The following DGAT2 variants were observed in gnomAD, a reference collection of about 807,000 sequenced individuals.
DGAT2 encodes the protein diacylglycerol O-acyltransferase 2.
A neutral mutation model predicts 48.4 loss-of-function variants in DGAT2; 33 were observed. The ratio of observed to expected loss-of-function variants is 0.68; its 90% CI spans 0.52 to 0.91. The LOEUF (loss-of-function observed/expected upper bound fraction) is 0.91. Among genes scored for constraint, DGAT2 ranks in the 40% least tolerant of loss-of-function variants. The pLI, the probability that DGAT2 is intolerant of heterozygous loss-of-function variation, is 0.00. For missense variants in DGAT2, 446 were observed against 493.7 expected (o/e 0.90, Z 0.92); for synonymous variants, 191 against 194.1 (o/e 0.98, Z 0.13).
At chr11:75,797,077 T>C in intron 5 of DGAT2, 81 bp from the exon 6 acceptor site, 1 of 1,364,576 alleles carries the variant, frequency 7.3e-7, no homozygotes, top group South Asian at 1.8e-5. Flanking sequence ...GGGTTCTTTA[T>C]GTTTTATACC....
intron 1 of DGAT2, among the ~76,000 whole-genome samples, chr11:75,782,937 G>A (rs542303547): frequency 1.3e-5 from 2 of 152,348 alleles, no homozygotes; most frequent in East Asian, 3.9e-4. Context: ...GGCTATACTG[G>A]ATGACCCCAG....
intron 2 of DGAT2, among the ~76,000 whole-genome samples, chr11:75,788,693 G>A (rs1186790128): frequency 6.6e-6 from 1 of 152,202 alleles, no homozygotes; most frequent in African/African-American, 2.4e-5. Context: ...GCAGCCTACA[G>A]CACCTGGGAC....
At chr11:75,784,972 T>TC (rs1944906745) in intron 2 of DGAT2, among the ~76,000 whole-genome samples, 1 of 152,072 alleles carries the variant, frequency 6.6e-6, no homozygotes, top group Non-Finnish European at 1.5e-5. Context: ...GTGTGATAGT[T>TC]CCCATTTACA....
intron 1 of DGAT2, among the ~76,000 whole-genome samples, chr11:75,779,474 GT>G (rs1333427345): frequency 6.6e-6 from 1 of 152,160 alleles, no homozygotes; most frequent in African/African-American, 2.4e-5. Context: ...TTCCTTCTCT[GT>G]GAAACAGGAT....
intron 7 of DGAT2, among the ~76,000 whole-genome samples, chr11:75,799,983 C>T (rs956078020): frequency 4.6e-5 from 7 of 152,058 alleles, no homozygotes; most frequent in Non-Finnish European, 1.0e-4. Context: ...GGAAGAATCC[C>T]CATGTGACAG....
intron 4 of DGAT2, chr11:75,794,192 C>A (rs1162905083): frequency 6.6e-6 from 1 of 152,274 alleles, no homozygotes; most frequent in African/African-American, 2.4e-5. Flanking sequence ...TTTTCCATCC[C>A]CTCTGTCACC....
chr11:75,779,742 CAG>C (rs1252303441), intron 1 of DGAT2, among the ~76,000 whole-genome samples: 1 of 152,226 alleles, frequency 6.6e-6, no homozygotes, highest in Non-Finnish European at 1.5e-5. Flanking sequence ...CCCCATAAAA[CAG>C]AGACATCTGT....
intron 1 of DGAT2, among the ~76,000 whole-genome samples, chr11:75,771,121 G>A (rs1167454290): frequency 1.3e-5 from 2 of 152,124 alleles, no homozygotes; most frequent in South Asian, 2.1e-4. Context: ...GTCCTGTGAC[G>A]GGTGAGAGAT....
At chr11:75,791,898 G>C (rs887630465) in intron 4 of DGAT2, among the ~76,000 whole-genome samples, 6 of 152,178 alleles carry the variant, frequency 3.9e-5, no homozygotes, top group African/African-American at 1.4e-4. Flanking sequence ...TCTGCCATGG[G>C]GCCATGGGCA....
chr11:75,797,599 ACCTGG>A (rs1945071112), intron 6 of DGAT2, among the ~76,000 whole-genome samples: 1 of 152,204 alleles, frequency 6.6e-6, no homozygotes, highest in Admixed American at 6.5e-5. Context: ...GGACTGGACC[ACCTGG>A]GGCCAGAATA....
At chr11:75,796,746 A>C in intron 5 of DGAT2, 1 of 584,418 alleles carries the variant, frequency 1.7e-6, no homozygotes, top group Non-Finnish European at 3.0e-6. Context: ...CTTCCCTAGG[A>C]GGCCTTCTTT....
rs564274024 is a variant in DGAT2, at chr11:75,799,352, G to A, written c.1012+923G>A. On this transcript the variant is annotated intron_variant, in intron 7 of 7. Transcript: ENST00000228027. ...GCATTTAAAAATGATCCTTGGAGCT[G>A]CTGGATGGAAGATGGGTTAGAAAAA... Among the ~76,000 whole-genome samples, 139 of 152,316 alleles carry A rather than the reference G, an allele frequency of 9.1e-4. 3 individuals are homozygous for A. The highest frequency in any genetic ancestry group is 1.1e-3 in the Non-Finnish European group (78 of 68,020).
chr11:75,799,096 G>A (rs1350813290), intron 7 of DGAT2, among the ~76,000 whole-genome samples: 1 of 152,190 alleles, frequency 6.6e-6, no homozygotes, highest in Non-Finnish European at 1.5e-5. Context: ...ATGGGCCCTT[G>A]GCAGTGGACT....
rs569989117 is a variant in DGAT2, at chr11:75,769,819, A to T, written c.121+707A>T. On this transcript the variant is annotated intron_variant, in intron 1 of 7. Coordinates refer to ENST00000228027, the MANE Select transcript of DGAT2 (RefSeq NM_032564.5). ...CCTTAGCTGATGCCTTGACCCCTGG[A>T]TTCAAGTACAAATCCGGTAGACCCT... Among the ~76,000 whole-genome samples, 581 of 152,184 alleles carry T rather than the reference A, an allele frequency of 3.8e-3. 4 individuals are homozygous for T. Among genetic ancestry groups the T allele is most frequent in the African/African-American group, 0.013 (543 of 41,524 alleles).
chr11:75,768,884 G>A lies in DGAT2; in HGVS notation c.-108G>A. 2 of 1,292,196 alleles carry A rather than the reference G, an allele frequency of 1.5e-6. No homozygotes were observed. Among genetic ancestry groups the A allele is most frequent in the Non-Finnish European group, 2.0e-6 (2 of 1,014,682 alleles). 80.0% of individuals were successfully genotyped at this position (1,292,196 alleles called of 1,614,324 possible). A position where few individuals can be genotyped will look rare whatever the true frequency, so the allele number is the denominator to read the frequency against. ...AGCCGCCCAGCCTCGACGCCGTCCCGGGACCCCTGTGCTCTGCGCGAAGCC... is the reference window on the plus strand; with the variant it reads ...AGCCGCCCAGCCTCGACGCCGTCCCAGGACCCCTGTGCTCTGCGCGAAGCC... On this transcript the variant is annotated 5_prime_UTR_variant, in exon 1 of 8. Transcript: ENST00000228027.
chr11:75,782,382 A>C (rs1944875909), intron 1 of DGAT2, among the ~76,000 whole-genome samples: 1 of 152,168 alleles, frequency 6.6e-6, no homozygotes, highest in Non-Finnish European at 1.5e-5. Flanking sequence ...CCACGCTTTG[A>C]GTAGGAAAGT....
chr11:75,789,459 T>G (rs1389661492), intron 2 of DGAT2, among the ~76,000 whole-genome samples: 1 of 152,192 alleles, frequency 6.6e-6, no homozygotes, highest in Non-Finnish European at 1.5e-5. Flanking sequence ...TGCTGAAGTT[T>G]TTGAAGACAG....
chr11:75,796,812 G>A (rs1318994708), intron 5 of DGAT2: 2 of 514,500 alleles, frequency 3.9e-6, no homozygotes, highest in Admixed American at 3.6e-5. Context: ...CAACCTGATT[G>A]TTGTCCATGG....
chr11:75,776,072 C>G (rs895111914), intron 1 of DGAT2: 2 of 152,250 alleles, frequency 1.3e-5, no homozygotes. Context: ...TTCTCTCTCC[C>G]TTCCTCTGGG....
Sources: gnomAD v4.1 joint callset for allele counts (sites outside exome capture counted in the v4.1 genomes callset) on GRCh38, gnomAD v4.1.1 for gene constraint, MANE v1.5 for transcripts, NCBI Gene and HGNC (gene_info 2026-07-23, HGNC 2026-07-21) for gene names.